ANO8: variants seen among roughly 807,000 people sequenced by gnomAD.
ANO8 encodes anoctamin-8.
In ANO8, 67 loss-of-function variants were observed where a neutral mutation model predicts 120.4. The ratio of observed to expected loss-of-function variants is 0.56; its 90% CI spans 0.46 to 0.68. The LOEUF (loss-of-function observed/expected upper bound fraction) is 0.68, where lower values mean the gene tolerates loss of function less well. Ranked by LOEUF, ANO8 falls within the 30% of genes least tolerant of loss-of-function variation. ANO8 has a pLI of 0.00. For synonymous variants in ANO8, 727 were observed against 759.2 expected (o/e 0.96, Z 0.70); for missense variants, 1,526 against 1,737.6 (o/e 0.88, Z 2.16).
intron 17 of ANO8, 50 bp downstream of exon 17, chr19:17,324,666 CT>C (rs1325345932): frequency 3.0e-5 from 46 of 1,513,784 alleles, no homozygotes; most frequent in Non-Finnish European, 4.0e-5. Flanking sequence ...CCACCCTACC[CT>C]ATCCCCAAAG....
chr19:17,332,245 CTTTA>C (rs1376543045), intron 5 of ANO8, among the ~76,000 whole-genome samples: 1 of 76,988 alleles, frequency 1.3e-5, no homozygotes, highest in Non-Finnish European at 2.7e-5. Flanking sequence ...TTATTTTTTA[CTTTA>C]TTTATTTATT....
chr19:17,324,617 G>A (rs1235086115), intron 17 of ANO8, 100 bp downstream of exon 17: 1 of 1,488,046 alleles, frequency 6.7e-7, no homozygotes, highest in South Asian at 1.4e-5. Flanking sequence ...CTAAGACCGG[G>A]CTTCCCCTGT....
Position 17,325,384 on chromosome 19 carries a change from T to C in ANO8, c.2664A>G (p.Arg888=), listed in dbSNP as rs368136186. 2.3e-5 allele frequency: 37 copies of C among 1,579,556 alleles called. No individual in the cohort carries two copies. The highest frequency in any genetic ancestry group is 3.0e-5 in the Non-Finnish European group (35 of 1,168,502). Residue 888 remains arginine (R), a splice_region_variant and synonymous_variant, in exon 17 of 18, where the codon AGA becomes AGG. Transcript: ENST00000159087. The stretch of plus-strand genomic sequence containing the variant: ...AGCGATGCTGGGCCTGGCGCTCGTG[T>C]CTCTGCAGGTAGAGCCAAGCCGTTA... The part of the protein sequence containing the change: ...LEYQRREAFK[R]HERQAQHRYQ...
At chr19:17,327,194 C>T in intron 16 of ANO8, 41 bp downstream of exon 16, 1 of 1,465,728 alleles carries the variant, frequency 6.8e-7, no homozygotes. Flanking sequence ...CCACCAGCAG[C>T]CCCACCAATG....
intron 13 of ANO8, 34 bp from the exon 14 acceptor site, chr19:17,327,914 C>G: frequency 1.2e-6 from 2 of 1,600,380 alleles, no homozygotes; most frequent in Middle Eastern, 1.7e-4. Context: ...CTGGAAGCCT[C>G]TTCCCTGGGA....
chr19:17,324,913 C>T lies in ANO8; in HGVS notation c.3135G>A (p.Pro1045=), dbSNP rs139545332. ...TRRDSERSHS[P]PKAFHAGKLF... ...GCTTGCCAGCATGGAAGGCTTTGGG[C>T]GGTGAGTGGCTGCGCTCAGAGTCCC... Residue 1045 remains proline (P), a synonymous_variant, in exon 17 of 18, where the codon CCG becomes CCA. Transcript: ENST00000159087. 45 of 1,613,266 alleles carry T rather than the reference C, an allele frequency of 2.8e-5. No homozygotes were observed. The highest frequency in any genetic ancestry group is 3.6e-5 in the Non-Finnish European group (43 of 1,179,898).
Position 17,325,053 on chromosome 19 carries a change from C to T in ANO8, c.2995G>A (p.Ala999Thr). The change falls in exon 17 of 18, where the codon GCT (alanine) becomes ACT (threonine). Residue 999 changes from alanine to threonine, a missense_variant. Ala to Thr is a moderately conservative substitution (Grantham distance 58, BLOSUM62 0). This residue lies in a region of ANO8 where 489 missense variants were observed against 548.6 expected (regional missense o/e 0.89). Transcript: ENST00000159087. ...CGGGTGGTGGCTCCGGCCCCTGCAG[C>T]AGCCAGTGAGGATGTGGCCCCTGAC... The part of the protein sequence containing the change: ...LSSGATSSLA[A>T]AGAGATTRPP... 6.2e-7 allele frequency: 1 copy of T among 1,613,354 alleles called. No homozygotes were observed. The highest frequency in any genetic ancestry group is 8.5e-7 in the Non-Finnish European group (1 of 1,179,890).
chr19:17,331,651 G>GTTT (rs369893061), intron 5 of ANO8, among the ~76,000 whole-genome samples: 40 of 143,404 alleles, frequency 2.8e-4, no homozygotes, highest in African/African-American at 5.6e-4. Flanking sequence ...GAGGAACCAT[G>GTTT]TTTTTTTTTT....
Position 17,328,099 on chromosome 19 carries a change from TC to T in ANO8, c.2226+62del, listed in dbSNP as rs952513209. On this transcript the variant is annotated intron_variant, in intron 13 of 17. Coordinates refer to ENST00000159087, the MANE Select transcript of ANO8 (RefSeq NM_020959.3). Reference sequence around the variant, plus strand: ...ACTCCCACCCCCACGGCCTTCACCCTCGGACGGTGTGTCCCGTCCCCGGCGA... The same window carrying T: ...ACTCCCACCCCCACGGCCTTCACCCTGGACGGTGTGTCCCGTCCCCGGCGA... 18 of 1,449,300 alleles carry T rather than the reference TC, an allele frequency of 1.2e-5. No individual in the cohort carries two copies. In the African/African-American group the frequency reaches 2.1e-4, roughly 17 times the overall value. 89.8% of individuals were successfully genotyped at this position (1,449,300 alleles called of 1,614,324 possible).
At position 17,323,309 on chromosome 19, in the gene ANO8, T is replaced by TTGTG. The variant is rs769619205; in HGVS notation, c.*207_*208insCACA. The TTGTG allele has an allele frequency of 1.5e-5, 3 of 205,536 alleles. No individual in the cohort carries two copies. Among genetic ancestry groups the TTGTG allele is most frequent in the South Asian group, 5.6e-4 (2 of 3,572 alleles). 12.7% of individuals were successfully genotyped at this position (205,536 alleles called of 1,614,324 possible). ...TTAAAAACAAATAAATAATCGCCTG[T>TTGTG]TCTGTGTGTGTGTGTGTGTGTGTGT... On this transcript the variant is annotated 3_prime_UTR_variant, in exon 18 of 18. Coordinates refer to ENST00000159087, the MANE Select transcript of ANO8 (RefSeq NM_020959.3).
Position 17,333,806 on chromosome 19 carries a change from G to C in ANO8, c.107-6C>G. Reference sequence around the variant, plus strand: ...CCGCTTTCCGAAAAGCTTATCTAGGGGGCGGCGTAGCAGGCCCGGGTCAGG... The same window carrying C: ...CCGCTTTCCGAAAAGCTTATCTAGGCGGCGGCGTAGCAGGCCCGGGTCAGG... On this transcript the variant is annotated splice_polypyrimidine_tract_variant and splice_region_variant and intron_variant, in intron 1 of 17. Coordinates refer to ENST00000159087, the MANE Select transcript of ANO8 (RefSeq NM_020959.3). The surrounding 1 kb of genome is among the most constrained non-coding windows in gnomAD (Gnocchi z 7.2). The C allele has an allele frequency of 1.3e-6, 2 of 1,580,862 alleles. No individual in the cohort carries two copies. The highest frequency in any genetic ancestry group is 1.7e-6 in the Non-Finnish European group (2 of 1,165,132).
At position 17,334,775 on chromosome 19, in the gene ANO8, G is replaced by A; in HGVS notation, c.-105C>T. On this transcript the variant is annotated 5_prime_UTR_variant, in exon 1 of 18. Coordinates refer to ENST00000159087, the MANE Select transcript of ANO8 (RefSeq NM_020959.3). ...GGAGCGCGCGGGAGGAGGAGACAAA[G>A]GCCGCGCCCGCCCGCGCCGGCCTCG... 1 of 1,179,998 alleles carries A rather than the reference G, an allele frequency of 8.5e-7. No homozygotes were observed. Among genetic ancestry groups the A allele is most frequent in the Admixed American group, 3.6e-5 (1 of 27,838 alleles). 73.1% of individuals were successfully genotyped at this position (1,179,998 alleles called of 1,614,324 possible).
intron 16 of ANO8, among the ~76,000 whole-genome samples, chr19:17,326,384 C>A (rs1283916631): frequency 1.3e-5 from 2 of 152,126 alleles, no homozygotes; most frequent in African/African-American, 2.4e-5. Flanking sequence ...TGCCTGTAAT[C>A]CCAGCTATTT....
intron 16 of ANO8, among the ~76,000 whole-genome samples, chr19:17,326,461 A>T (rs2074274290): frequency 6.6e-6 from 1 of 152,056 alleles, no homozygotes; most frequent in South Asian, 2.1e-4. Flanking sequence ...GTGCCACTGC[A>T]CTCCATGCAC....
rs1204447717 is a variant in ANO8 at position 17,328,490 on chromosome 19, G to A, written c.1898C>T (p.Pro633Leu). Residue 633 changes from proline to leucine, a missense_variant, in exon 13 of 18, where the codon CCG (proline) becomes CTG (leucine). Pro to Leu is a moderately conservative substitution (Grantham distance 98). Coordinates refer to ENST00000159087, the MANE Select transcript of ANO8 (RefSeq NM_020959.3). ...GAGRRRPGPS[P>L]EALLEEGSPT... ...GCTCCCTTCCTCCAGGAGGGCCTCC[G>A]GGCTTGGGCCGGGCCGACGCCGCCC... 3 of 1,560,068 alleles carry A rather than the reference G, an allele frequency of 1.9e-6. No homozygotes were observed. The highest frequency in any genetic ancestry group is 2.4e-5 in the East Asian group (1 of 42,168).
intron 5 of ANO8, among the ~76,000 whole-genome samples, chr19:17,332,521 C>T (rs534402226): frequency 1.6e-4 from 25 of 152,330 alleles, no homozygotes; most frequent in African/African-American, 5.8e-4. Flanking sequence ...ACGCCCAGAG[C>T]CGCACCACTC....
Position 17,323,557 on chromosome 19 carries a change from G to C in ANO8, c.3659C>G (p.Pro1220Arg). Residue 1220 changes from proline to arginine, a missense_variant, in exon 18 of 18, where the codon CCC (proline) becomes CGC (arginine). Around this residue, in one of 8 missense-constraint regions of ANO8, gnomAD observed 489 missense variants for 548.6 expected, o/e 0.89. Transcript: ENST00000159087. ...GGGCCAGCACACGGCCTGGGGGCTG[G>C]GGCTGGGGCTAGGGGAGGGCGCTGG... ...ETPAPSPSPS[P>R]SPQAVCWPSG... The C allele has an allele frequency of 7.7e-7, 1 of 1,293,584 alleles. No individual in the cohort carries two copies. The highest frequency in any genetic ancestry group is 9.8e-7 in the Non-Finnish European group (1 of 1,019,966). 80.1% of individuals were successfully genotyped at this position (1,293,584 alleles called of 1,614,324 possible).
intron 5 of ANO8, among the ~76,000 whole-genome samples, chr19:17,332,312 G>A (rs999464206): frequency 1.3e-5 from 2 of 152,036 alleles, no homozygotes; most frequent in African/African-American, 4.8e-5. Flanking sequence ...ATGCAGTGGC[G>A]CTACCATGGC....
chr19:17,325,240 C>A lies in ANO8; in HGVS notation c.2808G>T (p.Gly936=). The change falls in exon 17 of 18, where the codon GGG becomes GGT. Residue 936 remains glycine (G), a synonymous_variant. Transcript: ENST00000159087. ...TCTCGGAGGAGGTGGCAGGGTCCAGCCCAGAGCCCTCGGCCCTCGCCTCCT... is the reference window on the plus strand; with the variant it reads ...TCTCGGAGGAGGTGGCAGGGTCCAGACCAGAGCCCTCGGCCCTCGCCTCCT... ...GREEARAEGS[G]LDPATSSEKA... is the part of the protein sequence containing the mutation. 6.2e-7 allele frequency: 1 copy of A among 1,610,760 alleles called. No individual in the cohort carries two copies. Among genetic ancestry groups the A allele is most frequent in the East Asian group, 2.2e-5 (1 of 44,874 alleles).
Sources: gnomAD v4.1 joint callset for allele counts (sites outside exome capture counted in the v4.1 genomes callset) on GRCh38, gnomAD v4.1.1 for gene constraint, gnomAD v4.1.1 regional missense constraint, Gnocchi (gnomAD v3.1) non-coding constraint, MANE v1.5 for transcripts, NCBI Gene and HGNC (gene_info 2026-07-23, HGNC 2026-07-21) for gene names.